The following OCIAD1 variants were observed in gnomAD, a reference collection of about 807,000 sequenced individuals.
OCIAD1 encodes the protein OCIA domain containing 1.
Under a neutral mutation model 38.9 loss-of-function variants are expected in OCIAD1, and 29 were observed. The observed-to-expected ratio is 0.74, with a 90% CI of 0.55 to 1.02. The LOEUF is 1.02. Ranked by LOEUF, OCIAD1 falls within the 50% of genes least tolerant of loss-of-function variation. The pLI is 0.00. For missense variants in OCIAD1, 288 were observed against 289.6 expected, an observed-to-expected ratio of 0.99 and a Z score of 0.04; for synonymous variants, 110 against 92.0, an observed-to-expected ratio of 1.20 and a Z score of -1.12.
rs1342094281 is a variant in OCIAD1, at chr4:48,851,885, A to G, written c.457A>G (p.Ile153Val). 2 of 1,613,486 alleles carry G rather than the reference A, an allele frequency of 1.2e-6. No individual in the cohort carries two copies. Among genetic ancestry groups the G allele is most frequent in the Middle Eastern group, 1.7e-4 (1 of 6,060 alleles). ...SFVTSPAADN[I>V]EMLPHYEPIP... ...TGTGACATCCCCAGCAGCAGACAAC[A>G]TAGAAATGCTTCCTCATTATGAGCC... The change falls in exon 7 of 9, where the codon ATA becomes GTA. Residue 153 changes from isoleucine (I) to valine (V), a missense_variant. By Grantham distance (29) the Ile-to-Val change is conservative (BLOSUM62 3). Coordinates refer to ENST00000264312, the MANE Select transcript of OCIAD1 (RefSeq NM_017830.4).
chr4:48,825,161 G>A (rs575191592), intron 1 of OCIAD1, among the ~76,000 whole-genome samples: 1 of 152,346 alleles, frequency 6.6e-6, no homozygotes, highest in Admixed American at 6.5e-5. Context: ...GTCCAGACAT[G>A]CCCAATTAAT....
intron 1 of OCIAD1, among the ~76,000 whole-genome samples, chr4:48,807,659 G>T (rs80233357): frequency 1.3e-5 from 2 of 151,866 alleles, no homozygotes; most frequent in African/African-American, 4.8e-5. Flanking sequence ...ACTGGTTTCC[G>T]GTTGCAGGCT....
chr4:48,820,985 G>A (rs572133239), intron 1 of OCIAD1, among the ~76,000 whole-genome samples: 1 of 152,216 alleles, frequency 6.6e-6, no homozygotes, highest in East Asian at 1.9e-4. Context: ...GGAGGAGCTG[G>A]TACCATTCGT....
At chr4:48,831,002 C>T, upstream of OCIAD1, 1 of 178,234 alleles carries the variant, frequency 5.6e-6, no homozygotes, top group African/African-American at 2.4e-5. Flanking sequence ...GCGTCTATTC[C>T]TAGGCTGCTG....
At chr4:48,832,828 T>C (rs372303580) in intron 2 of OCIAD1, 146 bp downstream of exon 2, 1 of 667,958 alleles carries the variant, frequency 1.5e-6, no homozygotes, top group Non-Finnish European at 2.7e-6. Context: ...AGTCTTGTTA[T>C]CTTGAAATTC....
At chr4:48,840,167 C>T (rs1197110802) in intron 3 of OCIAD1, among the ~76,000 whole-genome samples, 1 of 152,168 alleles carries the variant, frequency 6.6e-6, no homozygotes. Flanking sequence ...TGGTGAATGG[C>T]AGAACTAGTA....
At chr4:48,836,639 G>C (rs1257746347) in intron 3 of OCIAD1, among the ~76,000 whole-genome samples, 1 of 152,206 alleles carries the variant, frequency 6.6e-6, no homozygotes, top group African/African-American at 2.4e-5. Flanking sequence ...AAAGGATAAA[G>C]TTTGGATAGT....
At chr4:48,843,973 T>G (rs1434920335) in intron 4 of OCIAD1, among the ~76,000 whole-genome samples, 3 of 152,198 alleles carry the variant, frequency 2.0e-5, no homozygotes, top group Non-Finnish European at 4.4e-5. Flanking sequence ...AATTACATAC[T>G]TAATAAGCTA....
At chr4:48,825,151 G>T (rs909655367) in intron 1 of OCIAD1, among the ~76,000 whole-genome samples, 1 of 152,218 alleles carries the variant, frequency 6.6e-6, no homozygotes, top group Non-Finnish European at 1.5e-5. Flanking sequence ...AACCCCAAAA[G>T]TCCAGACATG....
intron 4 of OCIAD1, among the ~76,000 whole-genome samples, chr4:48,846,091 TAA>T (rs1414792578): frequency 6.6e-6 from 1 of 152,210 alleles, no homozygotes; most frequent in Non-Finnish European, 1.5e-5. Context: ...TCCATGAGAG[TAA>T]AGAGTGTGTC....
At chr4:48,850,772 A>G (rs186852789) in intron 6 of OCIAD1, among the ~76,000 whole-genome samples, 1 of 152,106 alleles carries the variant, frequency 6.6e-6, no homozygotes, top group Non-Finnish European at 1.5e-5. Flanking sequence ...ACAGGGTTTT[A>G]CTGTGTTTAC....
chr4:48,836,849 A>C (rs911133569), intron 3 of OCIAD1, among the ~76,000 whole-genome samples: 11 of 152,188 alleles, frequency 7.2e-5, no homozygotes, highest in Admixed American at 3.9e-4. Context: ...TATGCATCTA[A>C]AACAGTTATT....
chr4:48,852,054 C>T (rs1311816550), intron 7 of OCIAD1, 79 bp downstream of exon 7: 2 of 989,868 alleles, frequency 2.0e-6, no homozygotes, highest in Non-Finnish European at 3.0e-6. Context: ...ACCTTTTCTG[C>T]TGGATATCAC....
intron 1 of OCIAD1, among the ~76,000 whole-genome samples, chr4:48,808,972 G>A (rs1224661260): frequency 2.6e-5 from 4 of 152,016 alleles, no homozygotes; most frequent in South Asian, 2.1e-4. Flanking sequence ...TGGTAACCAC[G>A]TCCTTTTGAT....
chr4:48,809,029 C>A (rs1176987925), intron 1 of OCIAD1, among the ~76,000 whole-genome samples: 3 of 152,126 alleles, frequency 2.0e-5, no homozygotes, highest in Non-Finnish European at 1.5e-5. Context: ...TATTCATCAC[C>A]ACTTCAACCA....
intron 3 of OCIAD1, among the ~76,000 whole-genome samples, chr4:48,836,044 C>T (rs549846654): frequency 5.9e-5 from 9 of 152,072 alleles, no homozygotes; most frequent in African/African-American, 1.7e-4. Context: ...TCCATTATAT[C>T]GTTTAGGTTC....
At chr4:48,817,390 C>T (rs1401711990) in intron 1 of OCIAD1, among the ~76,000 whole-genome samples, 1 of 148,468 alleles carries the variant, frequency 6.7e-6, no homozygotes, top group Non-Finnish European at 1.5e-5. Flanking sequence ...CCAGTGGCAC[C>T]TGGGACTGTG....
chr4:48,834,925 C>T (rs1777851400), intron 3 of OCIAD1, among the ~76,000 whole-genome samples: 1 of 152,094 alleles, frequency 6.6e-6, no homozygotes, highest in South Asian at 2.1e-4. Flanking sequence ...AATTAATTTT[C>T]TTTTTTGTTT....
At chr4:48,816,322 T>C (rs1341277339) in intron 1 of OCIAD1, among the ~76,000 whole-genome samples, 1 of 152,232 alleles carries the variant, frequency 6.6e-6, no homozygotes, top group Non-Finnish European at 1.5e-5. Flanking sequence ...AGTTGATATA[T>C]GCTAATGGCA....
Sources: allele counts gnomAD v4.1 joint callset (sites outside exome capture counted in the v4.1 genomes callset), GRCh38; gene constraint gnomAD v4.1.1; transcripts MANE v1.5; gene names NCBI Gene and HGNC (gene_info 2026-07-23, HGNC 2026-07-21).